The following ANXA2 variants were observed in gnomAD, a reference collection of about 807,000 sequenced individuals.
ANXA2 encodes the protein annexin II.
In ANXA2, 28 loss-of-function variants were observed where a neutral mutation model predicts 47.3. The observed-to-expected ratio is 0.59, with a 90% CI of 0.44 to 0.81. The LOEUF (loss-of-function observed/expected upper bound fraction) is 0.81, where lower values mean the gene tolerates loss of function less well. ANXA2 is among the 40% of genes least tolerant of loss of function. The pLI is 0.00. For synonymous variants in ANXA2, 172 were observed against 155.5 expected, an observed-to-expected ratio of 1.11 and a Z score of -0.79; for missense variants, 384 against 414.3, an observed-to-expected ratio of 0.93 and a Z score of 0.64.
At chr15:60,355,863 G>T in intron 7 of ANXA2, 56 bp downstream of exon 7, 4 of 1,335,004 alleles carry the variant, frequency 3.0e-6, no homozygotes, top group South Asian at 2.3e-5. Context: ...ATAAAATGAG[G>T]TATGTGACTT....
At chr15:60,395,566 T>C (rs1434644028) in intron 1 of ANXA2, 1 of 152,196 alleles carries the variant, frequency 6.6e-6, no homozygotes, top group Non-Finnish European at 1.5e-5. Context: ...ATAGCAATTA[T>C]AGAAGCACAT....
At chr15:60,394,479 A>T (rs2063054871) in intron 1 of ANXA2, 1 of 152,278 alleles carries the variant, frequency 6.6e-6, no homozygotes, top group South Asian at 2.1e-4. Flanking sequence ...CAGGCGGATC[A>T]CTTGAGCTCA....
At chr15:60,397,395 G>C (rs1317238496) in intron 1 of ANXA2, 1 of 874,552 alleles carries the variant, frequency 1.1e-6, no homozygotes, top group African/African-American at 1.8e-5. Context: ...GGGCTGAGGG[G>C]TGCCTACTCA....
chr15:60,351,309 T>TGA, intron 10 of ANXA2, 58 bp from the exon 11 acceptor site: 2 of 1,546,170 alleles, frequency 1.3e-6, no homozygotes, highest in Admixed American at 3.3e-5. Flanking sequence ...CCTCTACCAA[T>TGA]GAGAGAGGAT....
intron 6 of ANXA2, among the ~76,000 whole-genome samples, chr15:60,356,366 A>G (rs2062429800): frequency 1.3e-5 from 2 of 152,068 alleles, no homozygotes; most frequent in African/African-American, 4.8e-5. Context: ...CACACACACA[A>G]TTGTGCTTTA....
chr15:60,382,954 C>T (rs1050563417), intron 2 of ANXA2: 1 of 154,246 alleles, frequency 6.5e-6, no homozygotes, highest in African/African-American at 2.4e-5. Flanking sequence ...CACTGTGGCA[C>T]CAAGGTGGTC....
chr15:60,361,892 T>C (rs1319833095), intron 4 of ANXA2, among the ~76,000 whole-genome samples: 2 of 151,834 alleles, frequency 1.3e-5, no homozygotes, highest in African/African-American at 4.8e-5. Flanking sequence ...ACTGAAATAA[T>C]GTTCTTCTTT....
rs75968584 is a variant in ANXA2 at position 60,388,611 on chromosome 15, T to C, written c.-11-2525A>G. ...ATTTTTTTTCCTTTTTTTTTTAATGTTTCAGTAGAGACAAGGTCCCACTGT... is the reference window on the plus strand; with the variant it reads ...ATTTTTTTTCCTTTTTTTTTTAATGCTTCAGTAGAGACAAGGTCCCACTGT... On this transcript the variant is annotated intron_variant, in intron 1 of 12. Coordinates refer to ENST00000451270, the MANE Select transcript of ANXA2 (RefSeq NM_004039.3). Among the ~76,000 whole-genome samples, 1,335 of 152,118 alleles carry C rather than the reference T, an allele frequency of 8.8e-3. 21 individuals are homozygous for C. Among genetic ancestry groups the C allele is most frequent in the African/African-American group, 0.031 (1,282 of 41,462 alleles).
chr15:60,397,291 A>G, intron 1 of ANXA2: 1 of 985,546 alleles, frequency 1.0e-6, no homozygotes, highest in Non-Finnish European at 1.2e-6. Context: ...CCAAGCGGGA[A>G]ACTCTCCGGG....
intron 3 of ANXA2, among the ~76,000 whole-genome samples, chr15:60,376,880 TCTTC>T (rs1393163930): frequency 6.6e-6 from 1 of 152,244 alleles, no homozygotes; most frequent in Non-Finnish European, 1.5e-5. Context: ...TCCCAGCTCT[TCTTC>T]CTGAGAGCAC....
chr15:60,366,342 G>A (rs1220855085), intron 3 of ANXA2, among the ~76,000 whole-genome samples: 7 of 146,708 alleles, frequency 4.8e-5, no homozygotes, highest in Non-Finnish European at 1.0e-4. Context: ...CTGCCTGGCT[G>A]CCCAGTCTGG....
In ANXA2 at chr15:60,377,961, G is replaced by A. The variant is rs531649632; in HGVS notation, c.148+4381C>T. Reference sequence around the variant, plus strand: ...AAATTAGCCAGGTGTGGTGGTGCATGCCTGTGGTCCCAGCTACTCAAGAGG... The same window carrying A: ...AAATTAGCCAGGTGTGGTGGTGCATACCTGTGGTCCCAGCTACTCAAGAGG... On this transcript the variant is annotated intron_variant, in intron 3 of 12. Transcript: ENST00000451270. 2.0e-3 allele frequency among the ~76,000 whole-genome samples: 308 copies of A among 152,184 alleles called. 1 individual carries two copies. The highest frequency in any genetic ancestry group is 7.1e-3 in the African/African-American group (295 of 41,500).
chr15:60,348,613 C>T (rs10851678), intron 12 of ANXA2, among the ~76,000 whole-genome samples: 117,665 of 151,726 alleles, frequency 0.78, 45,891 homozygotes, highest in Admixed American at 0.84. Flanking sequence ...GGTGTGGTGG[C>T]GGGCGCCTGT....
intron 3 of ANXA2, among the ~76,000 whole-genome samples, chr15:60,371,954 A>C (rs2062716447): frequency 6.6e-6 from 1 of 152,172 alleles, no homozygotes; most frequent in African/African-American, 2.4e-5. Flanking sequence ...GTTTGAGATC[A>C]GCCTCACTAA....
At chr15:60,397,762 T>G in intron 1 of ANXA2, 181 bp downstream of exon 1, 1 of 965,564 alleles carries the variant, frequency 1.0e-6, no homozygotes, top group Non-Finnish European at 1.3e-6. Flanking sequence ...CCAAACACCT[T>G]GTCCCTGAGC....
chr15:60,397,190 C>G (rs1038763940), intron 1 of ANXA2: 1 of 862,012 alleles, frequency 1.2e-6, no homozygotes, highest in Non-Finnish European at 1.4e-6. Flanking sequence ...ACTCTCAGTT[C>G]CTGACTCATT....
In ANXA2 at chr15:60,352,727, C is replaced by T. The variant is rs1176819082; in HGVS notation, c.589-251G>A. ...TGAGGTCTGCTGTACAATCTCCTTC[C>T]TTGAATAAGAAAGGAGGGACCAAGA... On this transcript the variant is annotated intron_variant, in intron 8 of 12. Coordinates refer to ENST00000451270, the MANE Select transcript of ANXA2 (RefSeq NM_004039.3). The surrounding 1 kb of genome is among the most constrained non-coding windows in gnomAD (Gnocchi z 4.2). Among the ~76,000 whole-genome samples, 3 of 152,084 alleles carry T rather than the reference C, an allele frequency of 2.0e-5. No homozygotes were observed. The highest frequency in any genetic ancestry group is 4.4e-5 in the Non-Finnish European group (3 of 68,008).
intron 3 of ANXA2, among the ~76,000 whole-genome samples, chr15:60,382,067 AGGG>A (rs2062868834): frequency 9.2e-6 from 1 of 108,416 alleles, no homozygotes; most frequent in Non-Finnish European, 1.9e-5. Context: ...GGAGGGAGGG[AGGG>A]AGGAAGGAAG....
intron 12 of ANXA2, 65 bp from the exon 13 acceptor site, chr15:60,347,754 C>G: frequency 7.3e-7 from 1 of 1,364,354 alleles, no homozygotes; most frequent in Non-Finnish European, 1.0e-6. Flanking sequence ...CTCAATAACA[C>G]AGAAGTAGCC....
Sources: allele counts gnomAD v4.1 joint callset (sites outside exome capture counted in the v4.1 genomes callset), GRCh38; gene constraint gnomAD v4.1.1; non-coding constraint Gnocchi (gnomAD v3.1); transcripts MANE v1.5; gene names NCBI Gene and HGNC (gene_info 2026-07-23, HGNC 2026-07-21).